Variants in IMMP2L observed in about 807,000 individuals in gnomAD.
IMMP2L encodes the protein mitochondrial inner membrane protease subunit 2.
IMMP2L carries 18 observed loss-of-function variants against 19.3 expected under a neutral mutation model. The ratio of observed to expected loss-of-function variants is 0.93; its 90% CI spans 0.64 to 1.38. IMMP2L has a LOEUF of 1.38. IMMP2L is among the 40% of genes most tolerant of loss of function. The pLI, the probability that IMMP2L is intolerant of heterozygous loss-of-function variation, is 0.00. For synonymous variants in IMMP2L, 76 were observed against 73.0 expected, an observed-to-expected ratio of 1.04 and a Z score of -0.21; for missense variants, 233 against 218.2, an observed-to-expected ratio of 1.07 and a Z score of -0.43.
chr7:110,908,736 C>A (rs772496588), intron 4 of IMMP2L, among the ~76,000 whole-genome samples: 20 of 152,138 alleles, frequency 1.3e-4, no homozygotes, highest in Non-Finnish European at 2.8e-4. Context: ...GTTTAGATAA[C>A]AGGGATAACA....
chr7:111,439,523 G>A (rs1230421892), intron 3 of IMMP2L, among the ~76,000 whole-genome samples: 1 of 151,880 alleles, frequency 6.6e-6, no homozygotes, highest in Admixed American at 6.6e-5. Flanking sequence ...TAATCTATTA[G>A]ATGTGCAATT....
At chr7:111,390,479 A>AT (rs1389137238) in intron 3 of IMMP2L, 1 of 152,116 alleles carries the variant, frequency 6.6e-6, no homozygotes, top group Non-Finnish European at 1.5e-5. Context: ...ACATTTTATA[A>AT]TTTTGTCTTG....
rs1293738939 is a variant in IMMP2L, at chr7:110,875,884, C to G, written c.408+10709G>C. On this transcript the variant is annotated intron_variant, in intron 5 of 5. Coordinates refer to ENST00000405709, the MANE Select transcript of IMMP2L (RefSeq NM_032549.4). ...TCAATATTCCACAACTTGATGAAGC[C>G]TTATAGTTTCCCCTTTCTTTCCACT... Among the ~76,000 whole-genome samples, 3 of 152,132 alleles carry G rather than the reference C, an allele frequency of 2.0e-5. No individual in the cohort carries two copies. In the East Asian group the frequency reaches 5.8e-4, roughly 29 times the overall value.
At chr7:111,424,234 C>T (rs1219575411) in intron 3 of IMMP2L, among the ~76,000 whole-genome samples, 2 of 151,692 alleles carry the variant, frequency 1.3e-5, no homozygotes, top group South Asian at 2.1e-4. Flanking sequence ...AGTATCTCCA[C>T]CGTTTAACAC....
chr7:110,800,981 C>T (rs1292088837), intron 5 of IMMP2L, among the ~76,000 whole-genome samples: 1 of 151,930 alleles, frequency 6.6e-6, no homozygotes, highest in Non-Finnish European at 1.5e-5. Flanking sequence ...GTGGATCAGG[C>T]ACTAAAAACA....
chr7:111,250,569 G>A (rs1815988144), intron 3 of IMMP2L, among the ~76,000 whole-genome samples: 1 of 152,078 alleles, frequency 6.6e-6, no homozygotes, highest in African/African-American at 2.4e-5. Flanking sequence ...TAGACCAATG[G>A]AACAGAATAG....
intron 3 of IMMP2L, among the ~76,000 whole-genome samples, chr7:111,333,995 A>G (rs1826142540): frequency 6.6e-6 from 1 of 152,094 alleles, no homozygotes; most frequent in Non-Finnish European, 1.5e-5. Flanking sequence ...CTTCTAGAAA[A>G]AAACCTTTTC....
chr7:111,503,176 G>A (rs1411282037), intron 2 of IMMP2L, among the ~76,000 whole-genome samples: 1 of 152,242 alleles, frequency 6.6e-6, no homozygotes, highest in Admixed American at 6.5e-5. Flanking sequence ...ACTACCATCA[G>A]AGAATACTAC....
chr7:110,776,809 T>C lies in IMMP2L; in HGVS notation c.408+109784A>G, dbSNP rs372430996. ...CACCTTCTTGGTCAAGCTTTCTCTTTATGCCTCAAGTTGAAAAGACTACTT... is the reference window on the plus strand; with the variant it reads ...CACCTTCTTGGTCAAGCTTTCTCTTCATGCCTCAAGTTGAAAAGACTACTT... On this transcript the variant is annotated intron_variant, in intron 5 of 5. Coordinates refer to ENST00000405709, the MANE Select transcript of IMMP2L (RefSeq NM_032549.4). 8.5e-5 allele frequency among the ~76,000 whole-genome samples: 13 copies of C among 152,146 alleles called. No individual in the cohort carries two copies. The East Asian group carries it at 1.9e-3, about 23-fold the overall frequency.
chr7:110,781,872 T>C (rs922090456), intron 5 of IMMP2L, among the ~76,000 whole-genome samples: 2 of 151,970 alleles, frequency 1.3e-5, no homozygotes, highest in Non-Finnish European at 2.9e-5. Context: ...GGTGATATGC[T>C]ATACAGCTCT....
At chr7:111,032,816 C>T (rs1790962799) in intron 3 of IMMP2L, among the ~76,000 whole-genome samples, 1 of 151,382 alleles carries the variant, frequency 6.6e-6, no homozygotes, top group South Asian at 2.1e-4. Flanking sequence ...AGCAAGACTC[C>T]ATTTCAAAAA....
intron 3 of IMMP2L, among the ~76,000 whole-genome samples, chr7:111,119,811 T>A (rs1268384792): frequency 6.6e-6 from 1 of 152,100 alleles, no homozygotes; most frequent in African/African-American, 2.4e-5. Flanking sequence ...AGGAGGTTAG[T>A]GCCTGGTGAA....
chr7:111,443,649 A>G (rs1360086213), intron 3 of IMMP2L, among the ~76,000 whole-genome samples: 1 of 152,138 alleles, frequency 6.6e-6, no homozygotes, highest in Non-Finnish European at 1.5e-5. Flanking sequence ...TTCAGAATCC[A>G]TTTTTTCAAA....
At chr7:111,089,185 A>AT (rs1327188289) in intron 3 of IMMP2L, among the ~76,000 whole-genome samples, 2 of 152,066 alleles carry the variant, frequency 1.3e-5, no homozygotes, top group African/African-American at 2.4e-5. Context: ...AACTGAAAAG[A>AT]TTTTTTCTTG....
intron 3 of IMMP2L, among the ~76,000 whole-genome samples, chr7:111,347,101 T>C (rs1252680161): frequency 6.6e-6 from 1 of 152,038 alleles, no homozygotes; most frequent in Non-Finnish European, 1.5e-5. Context: ...AAGTCTCTGC[T>C]TAGGTGAATG....
At chr7:111,242,611 G>C (rs1815229429) in intron 3 of IMMP2L, among the ~76,000 whole-genome samples, 1 of 151,930 alleles carries the variant, frequency 6.6e-6, no homozygotes, top group African/African-American at 2.4e-5. Context: ...GCTATTCATA[G>C]CACACAAACG....
intron 3 of IMMP2L, among the ~76,000 whole-genome samples, chr7:111,116,187 T>C (rs1799858093): frequency 6.6e-6 from 1 of 152,196 alleles, no homozygotes; most frequent in Admixed American, 6.5e-5. Context: ...AAAGGACTCA[T>C]CTGAGCCCTA....
intron 3 of IMMP2L, among the ~76,000 whole-genome samples, chr7:111,141,870 T>G (rs1802935482): frequency 6.6e-6 from 1 of 152,102 alleles, no homozygotes; most frequent in South Asian, 2.1e-4. Context: ...CTGGCTAATT[T>G]TTAATTTTGT....
At chr7:110,828,930 G>A (rs1803727805) in intron 5 of IMMP2L, among the ~76,000 whole-genome samples, 1 of 152,072 alleles carries the variant, frequency 6.6e-6, no homozygotes, top group East Asian at 1.9e-4. Context: ...ACTATAATGA[G>A]TATAAGTTCT....
Sources: gnomAD v4.1 joint callset for allele counts (sites outside exome capture counted in the v4.1 genomes callset) on GRCh38, gnomAD v4.1.1 for gene constraint, MANE v1.5 for transcripts, NCBI Gene and HGNC (gene_info 2026-07-23, HGNC 2026-07-21) for gene names.